GNG4: variants seen among roughly 807,000 people sequenced by gnomAD.
GNG4 encodes the protein guanine nucleotide-binding protein G(I)/G(S)/G(O) subunit gamma-4.
A neutral mutation model predicts 5.8 loss-of-function variants in GNG4; 4 were observed. The observed-to-expected ratio is 0.69, with a 90% CI of 0.34 to 1.57. The LOEUF is 1.57. Ranked by LOEUF, GNG4 falls within the 40% of genes most tolerant of loss-of-function variation. The probability of loss-of-function intolerance (pLI) is 0.06; values close to 1 mark genes in which losing one functional copy is unlikely to be tolerated. For synonymous variants in GNG4, 29 were observed against 32.9 expected (o/e 0.88, Z 0.41); for missense variants, 96 against 95.1 (o/e 1.01, Z -0.04).
At position 235,551,895 on chromosome 1, in the gene GNG4, T is replaced by C; in HGVS notation, c.*214A>G. On this transcript the variant is annotated 3_prime_UTR_variant, in exon 4 of 4. Transcript: ENST00000391854. ...TTATTTGGCTATAAACATTTTGATT[T>C]TCTTTGCCAATAATGAAAATAACAT... is the stretch of plus-strand genomic sequence containing the variant. 1 of 444,060 alleles carries C rather than the reference T, an allele frequency of 2.3e-6. No individual in the cohort carries two copies. Among genetic ancestry groups the C allele is most frequent in the Non-Finnish European group, 4.1e-6 (1 of 241,390 alleles). 27.5% of individuals were successfully genotyped at this position (444,060 alleles called of 1,614,324 possible).
chr1:235,595,810 A>G (rs542221981), intron 1 of GNG4, among the ~76,000 whole-genome samples: 1 of 152,238 alleles, frequency 6.6e-6, no homozygotes, highest in Admixed American at 6.5e-5. Flanking sequence ...CTGCCCCCCA[A>G]CACAAGGAGC....
chr1:235,648,194 G>A lies in GNG4; in HGVS notation c.-123+1468C>T, dbSNP rs913949324. Among the ~76,000 whole-genome samples the A allele has an allele frequency of 1.3e-5, 2 of 152,048 alleles. No homozygotes were observed. On this transcript the variant is annotated intron_variant, in intron 1 of 3. Transcript: ENST00000391854. This position sits in a 1 kb window ranked among gnomAD's most constrained non-coding sequence, Gnocchi z 5.0. ...GCACTGGAGTTGTGCATGGAGGTGG[G>A]GGCCAACAGGAAGTCCATTGTCCTA...
rs904342558 is a variant in GNG4 at position 235,551,753 on chromosome 1, G to GTT, written c.*354_*355dup. 6 of 155,970 alleles carry GTT rather than the reference G, an allele frequency of 3.8e-5. No homozygotes were observed. The highest frequency in any genetic ancestry group is 2.5e-4 in the Admixed American group (4 of 15,794). 9.7% of individuals were successfully genotyped at this position (155,970 alleles called of 1,614,324 possible). On this transcript the variant is annotated 3_prime_UTR_variant, in exon 4 of 4. Coordinates refer to ENST00000391854, the MANE Select transcript of GNG4 (RefSeq NM_001098722.2). ...TGCAAATAAGGGATATTTAGGCATA[G>GTT]TTTTTTTTTTAAAATAAATTATCCA...
intron 1 of GNG4, among the ~76,000 whole-genome samples, chr1:235,625,478 C>T (rs907500306): frequency 1.7e-4 from 26 of 152,184 alleles, no homozygotes; most frequent in African/African-American, 6.3e-4. Context: ...TCACTCTTGG[C>T]ACTGCACATT....
chr1:235,611,083 A>G, intron 1 of GNG4, among the ~76,000 whole-genome samples: 1 of 152,158 alleles, frequency 6.6e-6, no homozygotes, highest in South Asian at 2.1e-4. Context: ...GCGAGACTTC[A>G]TCTCAAAGAA....
At chr1:235,643,410 C>CT in intron 1 of GNG4, among the ~76,000 whole-genome samples, 1 of 152,242 alleles carries the variant, frequency 6.6e-6, no homozygotes, top group Non-Finnish European at 1.5e-5. Flanking sequence ...AACACTCTCC[C>CT]TGTCTGTGCA....
At chr1:235,561,946 ATATTT>A (rs1416155005) in intron 3 of GNG4, among the ~76,000 whole-genome samples, 2 of 152,164 alleles carry the variant, frequency 1.3e-5, no homozygotes, top group Non-Finnish European at 2.9e-5. Flanking sequence ...GTACTCTTTT[ATATTT>A]ATGTCTATAA....
intron 3 of GNG4, among the ~76,000 whole-genome samples, chr1:235,577,459 T>G (rs1262824354): frequency 6.6e-6 from 1 of 152,092 alleles, no homozygotes; most frequent in Non-Finnish European, 1.5e-5. Flanking sequence ...TTTTTCTTTT[T>G]AGGTAGAGTC....
intron 1 of GNG4, among the ~76,000 whole-genome samples, chr1:235,635,016 G>A (rs951095425): frequency 5.9e-5 from 9 of 152,246 alleles, no homozygotes; most frequent in African/African-American, 1.7e-4. Flanking sequence ...ATACAAAGCC[G>A]GGTATAGACA....
chr1:235,602,976 C>T (rs1475142024), intron 1 of GNG4, among the ~76,000 whole-genome samples: 4 of 152,090 alleles, frequency 2.6e-5, no homozygotes, highest in African/African-American at 9.7e-5. Flanking sequence ...GGGCCGGGTG[C>T]GGTTGCTCAC....
At position 235,619,134 on chromosome 1, in the gene GNG4, A is replaced by C. The variant is rs1187536566; in HGVS notation, c.-122-23623T>G. Among the ~76,000 whole-genome samples, 3 of 32,054 alleles carry C rather than the reference A, an allele frequency of 9.4e-5. No individual in the cohort carries two copies. In the Admixed American group the frequency reaches 1.5e-3, roughly 16 times the overall value. 21.0% of individuals were successfully genotyped at this position (32,054 alleles called of 152,430 possible). On this transcript the variant is annotated intron_variant, in intron 1 of 3. Transcript: ENST00000391854. ...CGGCAACATTGCAAACGCTGTCTCTAAAAAAAAAAAAAAAAAAAAAAAATT... is the reference window on the plus strand; with the variant it reads ...CGGCAACATTGCAAACGCTGTCTCTCAAAAAAAAAAAAAAAAAAAAAAATT...
intron 1 of GNG4, among the ~76,000 whole-genome samples, chr1:235,624,284 T>C (rs1688766817): frequency 6.6e-6 from 1 of 151,752 alleles, no homozygotes; most frequent in Non-Finnish European, 1.5e-5. Context: ...TGTATTTTTT[T>C]TTTTTTAGTA....
chr1:235,594,195 G>A (rs1688066576), intron 2 of GNG4, among the ~76,000 whole-genome samples: 2 of 152,210 alleles, frequency 1.3e-5, no homozygotes, highest in Admixed American at 1.3e-4. Flanking sequence ...TAGATACAGA[G>A]TGTCGATTGA....
chr1:235,640,392 A>C (rs1657286881), intron 1 of GNG4, among the ~76,000 whole-genome samples: 1 of 152,186 alleles, frequency 6.6e-6, no homozygotes, highest in African/African-American at 2.4e-5. Context: ...CTATGTCAGA[A>C]TGTCCAGGGG....
chr1:235,612,772 C>T lies in GNG4; in HGVS notation c.-122-17261G>A, dbSNP rs138016437. 2.9e-3 allele frequency among the ~76,000 whole-genome samples: 448 copies of T among 152,338 alleles called. 2 individuals are homozygous for T. The highest frequency in any genetic ancestry group is 4.5e-3 in the Non-Finnish European group (304 of 68,030). ...ACCTGGGCTCAAGTGATCCACCCGC[C>T]TTGGCCTCCCAAAGTGCTGGGATCA... On this transcript the variant is annotated intron_variant, in intron 1 of 3. Coordinates refer to ENST00000391854, the MANE Select transcript of GNG4 (RefSeq NM_001098722.2).
At chr1:235,557,422 G>A (rs544266314) in intron 3 of GNG4, among the ~76,000 whole-genome samples, 89 of 152,128 alleles carry the variant, frequency 5.9e-4, no homozygotes, top group Admixed American at 5.6e-3. Context: ...GAGACAGGAG[G>A]TGTCCTCAGC....
chr1:235,643,387 A>G (rs1423731717), intron 1 of GNG4, among the ~76,000 whole-genome samples: 3 of 152,170 alleles, frequency 2.0e-5, no homozygotes, highest in African/African-American at 7.2e-5. Context: ...CTGCACTGCT[A>G]TCAGAAAGAA....
intron 3 of GNG4, among the ~76,000 whole-genome samples, chr1:235,570,397 T>C (rs935894240): frequency 2.7e-5 from 4 of 146,328 alleles, no homozygotes; most frequent in African/African-American, 1.0e-4. Flanking sequence ...ACCTCTTCTT[T>C]TTTTTTTTTT....
chr1:235,608,501 C>T lies in GNG4; in HGVS notation c.-122-12990G>A, dbSNP rs559099550. On this transcript the variant is annotated intron_variant, in intron 1 of 3. Coordinates refer to ENST00000391854, the MANE Select transcript of GNG4 (RefSeq NM_001098722.2). ...CAGAATAAAACCTCATTCCATTAAG[C>T]AGTTCTCCATTAAGCAGTTCTCTTC... 6.6e-5 allele frequency among the ~76,000 whole-genome samples: 10 copies of T among 152,252 alleles called. No individual in the cohort carries two copies. The South Asian group carries it at 2.1e-3, about 32-fold the overall frequency.
Sources: gnomAD v4.1 joint callset for allele counts (sites outside exome capture counted in the v4.1 genomes callset) on GRCh38, gnomAD v4.1.1 for gene constraint, Gnocchi (gnomAD v3.1) non-coding constraint, MANE v1.5 for transcripts, NCBI Gene and HGNC (gene_info 2026-07-23, HGNC 2026-07-21) for gene names.